The following CACNB4 variants were observed in gnomAD, a reference collection of about 807,000 sequenced individuals.
CACNB4 encodes calcium voltage-gated channel auxiliary subunit beta 4, also known as voltage-dependent L-type calcium channel subunit beta-4.
A neutral mutation model predicts 71.2 loss-of-function variants in CACNB4; 32 were observed. The ratio of observed to expected loss-of-function variants is 0.45; its 90% CI spans 0.34 to 0.60. The LOEUF (loss-of-function observed/expected upper bound fraction) is 0.60, where lower values mean the gene tolerates loss of function less well. Among genes scored for constraint, CACNB4 ranks in the 20% least tolerant of loss-of-function variants. CACNB4 has a pLI of 0.01. For missense variants in CACNB4, 464 were observed against 647.9 expected (o/e 0.72, Z 3.08); for synonymous variants, 231 against 236.9 (o/e 0.97, Z 0.23).
Position 151,985,364 on chromosome 2 carries a change from T to C in CACNB4, c.148-101994A>G, listed in dbSNP as rs146839062. On this transcript the variant is annotated intron_variant, in intron 2 of 13. Coordinates refer to ENST00000539935, the MANE Select transcript of CACNB4 (RefSeq NM_000726.5). ...AAACTATTGCACCATATAGATGTCC[T>C]ATGCAGTTCTCATTGTTTCACTCAT... 3.4e-3 allele frequency among the ~76,000 whole-genome samples: 513 copies of C among 152,312 alleles called. 1 individual carries two copies. The highest frequency in any genetic ancestry group is 5.6e-3 in the South Asian group (27 of 4,824).
chr2:151,984,133 C>T (rs1345149218), intron 2 of CACNB4, among the ~76,000 whole-genome samples: 2 of 152,148 alleles, frequency 1.3e-5, no homozygotes, highest in African/African-American at 4.8e-5. Context: ...ATTTACTGGG[C>T]TCCCCTAACC....
chr2:151,875,984 A>T (rs1312466088), intron 5 of CACNB4, among the ~76,000 whole-genome samples: 1 of 125,766 alleles, frequency 8.0e-6, no homozygotes, highest in African/African-American at 3.0e-5. Flanking sequence ...TGACTCCCCC[A>T]CCTCCCTCCC....
chr2:151,946,033 A>T (rs1352587871), intron 2 of CACNB4, among the ~76,000 whole-genome samples: 7 of 152,142 alleles, frequency 4.6e-5, no homozygotes, highest in African/African-American at 1.7e-4. Context: ...TTATTATAAT[A>T]AAATGCCTCC....
At chr2:151,888,792 CCTT>C (rs945933698) in intron 2 of CACNB4, among the ~76,000 whole-genome samples, 29 of 152,196 alleles carry the variant, frequency 1.9e-4, no homozygotes, top group African/African-American at 6.0e-4. Context: ...AGAATGAAGT[CCTT>C]CTTTGGGATA....
intron 2 of CACNB4, among the ~76,000 whole-genome samples, chr2:152,053,726 G>A (rs1269959788): frequency 6.6e-6 from 1 of 151,870 alleles, no homozygotes; most frequent in Admixed American, 6.6e-5. Flanking sequence ...GTCTCACTAT[G>A]TTGCCCAGGC....
At position 151,833,272 on chromosome 2, in the gene CACNB4, C is replaced by T. The variant is rs542602561; in HGVS notation, c.*5847G>A. ...AATACATTTATTTTTTATTCCTTCC[C>T]ACCATCCCTACAAAAACACAGCTAA... is the stretch of plus-strand genomic sequence containing the variant. On this transcript the variant is annotated 3_prime_UTR_variant, in exon 14 of 14. Coordinates refer to ENST00000539935, the MANE Select transcript of CACNB4 (RefSeq NM_000726.5). 1.3e-5 allele frequency: 2 copies of T among 152,064 alleles called. No individual in the cohort carries two copies. The highest frequency in any genetic ancestry group is 4.8e-5 in the African/African-American group (2 of 41,486). 9.4% of individuals were successfully genotyped at this position (152,064 alleles called of 1,614,324 possible).
intron 2 of CACNB4, among the ~76,000 whole-genome samples, chr2:151,981,981 T>C (rs2099874798): frequency 6.6e-6 from 1 of 152,132 alleles, no homozygotes; most frequent in Admixed American, 6.6e-5. Context: ...CTGCTAAACA[T>C]GGATAGAATT....
At chr2:151,921,138 AAAATAAATAAAT>A (rs70974809) in intron 2 of CACNB4, among the ~76,000 whole-genome samples, 14,342 of 137,484 alleles carry the variant, frequency 0.1, 1,486 homozygotes, top group East Asian at 0.54. Flanking sequence ...CTCCGTCTCA[AAAATAAATAAAT>A]AAATAAATAA....
At chr2:151,937,257 T>G (rs2099863140) in intron 2 of CACNB4, among the ~76,000 whole-genome samples, 1 of 152,182 alleles carries the variant, frequency 6.6e-6, no homozygotes, top group Admixed American at 6.5e-5. Context: ...CCCCTCTCCA[T>G]CAAATCTCTT....
intron 2 of CACNB4, chr2:151,971,536 C>A (rs1044229512): frequency 1.3e-5 from 9 of 702,860 alleles, no homozygotes; most frequent in Admixed American, 4.0e-5. Context: ...GACAACCCCC[C>A]ACACTTACAG....
chr2:152,055,741 A>C (rs1203550078), intron 2 of CACNB4, among the ~76,000 whole-genome samples: 1 of 152,174 alleles, frequency 6.6e-6, no homozygotes, highest in Non-Finnish European at 1.5e-5. Context: ...TGATTCTAAG[A>C]AGATAATTAA....
At chr2:152,069,837 C>CTTTTTTTT (rs70974819) in intron 2 of CACNB4, among the ~76,000 whole-genome samples, 2 of 98,722 alleles carry the variant, frequency 2.0e-5, no homozygotes, top group Non-Finnish European at 3.7e-5. Context: ...CTTCATCAAT[C>CTTTTTTTT]TTTTTTTTTT....
At chr2:151,843,510 C>T (rs1467599359) in intron 12 of CACNB4, among the ~76,000 whole-genome samples, 1 of 151,984 alleles carries the variant, frequency 6.6e-6, no homozygotes, top group African/African-American at 2.4e-5. Flanking sequence ...GAGATGAGAT[C>T]TCACCATGTT....
chr2:151,906,357 G>T (rs764594430), intron 2 of CACNB4, among the ~76,000 whole-genome samples: 15 of 152,158 alleles, frequency 9.9e-5, no homozygotes, highest in Non-Finnish European at 8.8e-5. Flanking sequence ...TTTGCAGGGG[G>T]TGAAAATCAC....
intron 2 of CACNB4, among the ~76,000 whole-genome samples, chr2:152,097,535 G>C (rs937446181): frequency 4.6e-5 from 7 of 152,164 alleles, no homozygotes; most frequent in Admixed American, 4.6e-4. Flanking sequence ...GCAGCCAGGG[G>C]TGGTTTCATT....
At chr2:151,977,662 A>G (rs1013553039) in intron 2 of CACNB4, among the ~76,000 whole-genome samples, 1 of 152,238 alleles carries the variant, frequency 6.6e-6, no homozygotes, top group Non-Finnish European at 1.5e-5. Flanking sequence ...AGCCATGATC[A>G]AGACAAACTG....
intron 2 of CACNB4, among the ~76,000 whole-genome samples, chr2:151,936,922 A>G (rs1310142122): frequency 6.6e-6 from 1 of 152,274 alleles, no homozygotes; most frequent in Admixed American, 6.5e-5. Flanking sequence ...GGGCTCTCAA[A>G]GCATAAATCA....
intron 2 of CACNB4, among the ~76,000 whole-genome samples, chr2:151,928,197 A>C (rs191270783): frequency 2.6e-5 from 4 of 152,344 alleles, no homozygotes; most frequent in African/African-American, 9.6e-5. Flanking sequence ...AAAGCAAATG[A>C]TAGTCATGTA....
At chr2:152,079,918 T>C (rs1325239976) in intron 2 of CACNB4, among the ~76,000 whole-genome samples, 1 of 152,180 alleles carries the variant, frequency 6.6e-6, no homozygotes, top group Admixed American at 6.5e-5. Flanking sequence ...ATCATTAGGC[T>C]GGGATGTGGC....
Sources: allele counts gnomAD v4.1 joint callset (sites outside exome capture counted in the v4.1 genomes callset), GRCh38; gene constraint gnomAD v4.1.1; transcripts MANE v1.5; gene names NCBI Gene and HGNC (gene_info 2026-07-23, HGNC 2026-07-21).